Variants in CHRDL1 observed in about 807,000 individuals in gnomAD.
The protein encoded by CHRDL1 is chordin-like protein 1.
Under a neutral mutation model 40.9 loss-of-function variants are expected in CHRDL1, and 19 were observed. That is an observed-to-expected ratio of 0.46 (90% CI 0.32 to 0.68). CHRDL1 has a LOEUF of 0.68. Ranked by LOEUF, CHRDL1 falls within the 30% of genes least tolerant of loss-of-function variation. The probability of loss-of-function intolerance (pLI) is 0.03; values close to 1 mark genes in which losing one functional copy is unlikely to be tolerated. For missense variants in CHRDL1, 329 were observed against 352.1 expected, an observed-to-expected ratio of 0.93 and a Z score of 0.53; for synonymous variants, 136 against 123.4, an observed-to-expected ratio of 1.10 and a Z score of -0.68.
chrX:110,736,107 A>T (rs197042), intron 4 of CHRDL1, among the ~76,000 whole-genome samples: 9,817 of 112,191 alleles, frequency 0.088, 1,063 homozygotes, highest in African/African-American at 0.3. Context: ...GAGCAGTGGG[A>T]ACGCTGTTAG....
At chrX:110,747,049 C>G (rs1310577353) in intron 4 of CHRDL1, among the ~76,000 whole-genome samples, 1 of 110,544 alleles carries the variant, frequency 9.0e-6, no homozygotes, top group Admixed American at 9.6e-5. Flanking sequence ...CCCCCCCTGC[C>G]TTCCTCCCCC....
intron 4 of CHRDL1, among the ~76,000 whole-genome samples, chrX:110,733,603 C>T (rs983472439): frequency 2.0e-4 from 22 of 111,781 alleles, no homozygotes; most frequent in African/African-American, 5.8e-4. Context: ...CCTGCTGGCT[C>T]TAGCATTAGA....
intron 6 of CHRDL1, among the ~76,000 whole-genome samples, chrX:110,701,549 C>T (rs1449643071): frequency 3.6e-5 from 4 of 112,063 alleles, no homozygotes; most frequent in Non-Finnish European, 7.5e-5. Context: ...TGCAGTGGGT[C>T]ATGCCTTTAA....
chrX:110,789,028 A>G (rs2090058484), intron 2 of CHRDL1, among the ~76,000 whole-genome samples: 1 of 111,784 alleles, frequency 8.9e-6, no homozygotes, highest in African/African-American at 3.2e-5. Flanking sequence ...GTAAAATTTT[A>G]AAACTTCTAT....
intron 8 of CHRDL1, among the ~76,000 whole-genome samples, chrX:110,689,630 CTATATATCTA>C (rs1200539652): frequency 5.9e-5 from 2 of 33,969 alleles, no homozygotes; most frequent in African/African-American, 3.3e-4. Flanking sequence ...ATCTATATAT[CTATATATCTA>C]TATATATCTA....
At chrX:110,765,929 A>C (rs2148513308) in intron 2 of CHRDL1, among the ~76,000 whole-genome samples, 1 of 111,942 alleles carries the variant, frequency 8.9e-6, no homozygotes, top group Admixed American at 9.5e-5. Context: ...TTTCTGCAAA[A>C]TAGACCATAT....
At chrX:110,711,166 T>A (rs1202125600) in intron 6 of CHRDL1, among the ~76,000 whole-genome samples, 1 of 112,358 alleles carries the variant, frequency 8.9e-6, no homozygotes, top group Non-Finnish European at 1.9e-5. Context: ...AACGTGTTTT[T>A]AAAAATTATT....
chrX:110,721,646 C>T, intron 4 of CHRDL1, 116 bp from the exon 5 acceptor site: 1 of 546,679 alleles, frequency 1.8e-6, no homozygotes, highest in Admixed American at 2.8e-5. Flanking sequence ...ACAGTCCCCG[C>T]TCCAGTGACC....
intron 3 of CHRDL1, among the ~76,000 whole-genome samples, chrX:110,760,896 T>C (rs1191414050): frequency 9.0e-6 from 1 of 111,230 alleles, no homozygotes; most frequent in Non-Finnish European, 1.9e-5. Flanking sequence ...TGAATTGAGA[T>C]CACTGAAGCA....
intron 8 of CHRDL1, among the ~76,000 whole-genome samples, chrX:110,689,693 ATATATC>A (rs2070168838): frequency 2.3e-5 from 1 of 42,967 alleles, no homozygotes; most frequent in South Asian, 8.0e-4. Flanking sequence ...CTATATATCT[ATATATC>A]TATATATCTA....
intron 4 of CHRDL1, among the ~76,000 whole-genome samples, chrX:110,732,685 AG>A (rs767405749): frequency 9.1e-6 from 1 of 110,250 alleles, no homozygotes; most frequent in East Asian, 2.9e-4. Flanking sequence ...ACAGATGGCT[AG>A]GAAGGATGGC....
intron 7 of CHRDL1, among the ~76,000 whole-genome samples, chrX:110,698,375 T>G (rs181835640): frequency 9.0e-6 from 1 of 111,579 alleles, no homozygotes; most frequent in East Asian, 2.8e-4. Context: ...CCACACCCAT[T>G]CATTCAATGT....
intron 4 of CHRDL1, among the ~76,000 whole-genome samples, chrX:110,730,358 T>A (rs1467854171): frequency 9.0e-6 from 1 of 110,583 alleles, no homozygotes; most frequent in African/African-American, 3.3e-5. Flanking sequence ...CATTTTCCCA[T>A]CTCAGTGGGA....
Position 110,676,207 on chromosome X carries a change from C to T in CHRDL1, c.*24G>A, listed in dbSNP as rs201423080. On this transcript the variant is annotated 3_prime_UTR_variant, in exon 12 of 12. Coordinates refer to ENST00000372042, the MANE Select transcript of CHRDL1 (RefSeq NM_001143981.2). ...TGCAGCTTGAGTTTTCTTGCTTTAC[C>T]CTATCCAATACTGTCTGTCTTGCCT... The T allele has an allele frequency of 8.3e-7, 1 of 1,199,175 alleles. No individual in the cohort carries two copies. Among genetic ancestry groups the T allele is most frequent in the Non-Finnish European group, 1.1e-6 (1 of 889,746 alleles).
chrX:110,775,600 A>T (rs1248744124), intron 2 of CHRDL1, among the ~76,000 whole-genome samples: 1 of 111,855 alleles, frequency 8.9e-6, no homozygotes, highest in Non-Finnish European at 1.9e-5. Flanking sequence ...AATATTTTTT[A>T]AAATAAAGTG....
Position 110,700,487 on chromosome X carries a change from A to G in CHRDL1, c.609+167T>C, listed in dbSNP as rs184944613. On this transcript the variant is annotated intron_variant, in intron 7 of 11. Coordinates refer to ENST00000372042, the MANE Select transcript of CHRDL1 (RefSeq NM_001143981.2). ...CAGTTACCAATTTTACAGTGTACTTAAATGGTTTCCAGTTGGTGATGACAT... is the reference window on the plus strand; with the variant it reads ...CAGTTACCAATTTTACAGTGTACTTGAATGGTTTCCAGTTGGTGATGACAT... 1.8e-4 allele frequency among the ~76,000 whole-genome samples: 20 copies of G among 112,214 alleles called. No homozygotes were observed. The Middle Eastern group carries it at 0.014, about 77-fold the overall frequency.
chrX:110,697,048 T>C (rs962314601), intron 7 of CHRDL1, among the ~76,000 whole-genome samples: 9 of 111,636 alleles, frequency 8.1e-5, no homozygotes, highest in Non-Finnish European at 1.3e-4. Context: ...GAGCTTATCT[T>C]AAAAATTAGC....
At chrX:110,704,038 GTAAATAATGTGCTA>G (rs1185533312) in intron 6 of CHRDL1, among the ~76,000 whole-genome samples, 11 of 111,568 alleles carry the variant, frequency 9.9e-5, no homozygotes, top group African/African-American at 3.6e-4. Flanking sequence ...AATAGGGGTA[GTAAATAATGTGCTA>G]CTATTTGATA....
At chrX:110,714,329 C>T (rs2070800382) in intron 6 of CHRDL1, among the ~76,000 whole-genome samples, 1 of 111,539 alleles carries the variant, frequency 9.0e-6, no homozygotes, top group Non-Finnish European at 1.9e-5. Flanking sequence ...ATTCTGAAGA[C>T]ACAGAATCAA....
Sources: gnomAD v4.1 joint callset for allele counts (sites outside exome capture counted in the v4.1 genomes callset) on GRCh38, gnomAD v4.1.1 for gene constraint, MANE v1.5 for transcripts, NCBI Gene and HGNC (gene_info 2026-07-23, HGNC 2026-07-21) for gene names.